Variants in CDK6 observed in about 807,000 individuals in gnomAD.
CDK6 encodes the protein cyclin dependent kinase 6.
CDK6 carries 6 observed loss-of-function variants against 37.1 expected under a neutral mutation model. The ratio of observed to expected loss-of-function variants is 0.16; its 90% CI spans 0.09 to 0.32. CDK6 has a LOEUF of 0.32. Among genes scored for constraint, CDK6 ranks in the 10% least tolerant of loss-of-function variants. The pLI is 1.00. For missense variants in CDK6, 224 were observed against 418.9 expected, an observed-to-expected ratio of 0.53 and a Z score of 4.06; for synonymous variants, 160 against 161.3, an observed-to-expected ratio of 0.99 and a Z score of 0.06.
chr7:92,663,925 G>A (rs541970717), intron 5 of CDK6, among the ~76,000 whole-genome samples: 3 of 152,030 alleles, frequency 2.0e-5, no homozygotes, highest in South Asian at 2.1e-4. Context: ...AGGCCGAGGC[G>A]GGCGGATCAG....
chr7:92,827,852 T>C (rs1012623009), intron 2 of CDK6, among the ~76,000 whole-genome samples: 3 of 152,158 alleles, frequency 2.0e-5, no homozygotes, highest in Non-Finnish European at 4.4e-5. Flanking sequence ...CTGAACCTCA[T>C]GAGAAAGAAC....
intron 7 of CDK6, among the ~76,000 whole-genome samples, chr7:92,616,152 C>G (rs1426411311): frequency 6.6e-6 from 1 of 152,106 alleles, no homozygotes; most frequent in African/African-American, 2.4e-5. Context: ...CTAAAGTGAA[C>G]TGGGTATATG....
At chr7:92,701,327 G>A (rs561256623) in intron 4 of CDK6, among the ~76,000 whole-genome samples, 1 of 152,252 alleles carries the variant, frequency 6.6e-6, no homozygotes, top group South Asian at 2.1e-4. Flanking sequence ...CACATTCAAA[G>A]GTTTATTCAC....
chr7:92,749,262 C>T (rs1005281406), intron 3 of CDK6, among the ~76,000 whole-genome samples: 3 of 151,036 alleles, frequency 2.0e-5, no homozygotes, highest in African/African-American at 7.3e-5. Flanking sequence ...ATTGCCTAGG[C>T]CCAGGAGTTT....
At chr7:92,623,160 T>C in intron 5 of CDK6, 74 bp from the exon 6 acceptor site, 1 of 1,032,554 alleles carries the variant, frequency 9.7e-7, no homozygotes, top group South Asian at 1.4e-5. Context: ...CCATTATCAT[T>C]GTTTCACAGG....
At chr7:92,638,416 T>C (rs931698925) in intron 5 of CDK6, among the ~76,000 whole-genome samples, 13 of 152,198 alleles carry the variant, frequency 8.5e-5, no homozygotes, top group East Asian at 5.8e-4. Context: ...CATTTGAGGC[T>C]GAACTTTTTT....
intron 4 of CDK6, among the ~76,000 whole-genome samples, chr7:92,712,118 C>T (rs1798107839): frequency 6.6e-6 from 1 of 151,384 alleles, no homozygotes; most frequent in African/African-American, 2.4e-5. Flanking sequence ...CGAGAGAGCG[C>T]CACTGCAGTC....
In CDK6 at chr7:92,611,524, C is replaced by T. The variant is rs1795562223; in HGVS notation, c.*3616G>A. The T allele has an allele frequency of 4.4e-6, 1 of 227,166 alleles. No individual in the cohort carries two copies. Among genetic ancestry groups the T allele is most frequent in the African/African-American group, 2.2e-5 (1 of 45,078 alleles). 14.1% of individuals were successfully genotyped at this position (227,166 alleles called of 1,614,324 possible). The stretch of plus-strand genomic sequence containing the variant: ...TAGGAAGCTTACATAATTTAATTTC[C>T]ACAATGGAACAATAATGGCCATTAC... On this transcript the variant is annotated 3_prime_UTR_variant, in exon 8 of 8. Transcript: ENST00000424848.
chr7:92,690,431 G>C (rs1219030891), intron 4 of CDK6, among the ~76,000 whole-genome samples: 1 of 152,046 alleles, frequency 6.6e-6, no homozygotes, highest in South Asian at 2.1e-4. Context: ...ACAGTTGTAG[G>C]TGTGCGGTTT....
At chr7:92,780,212 T>C (rs946448153) in intron 2 of CDK6, among the ~76,000 whole-genome samples, 18 of 152,148 alleles carry the variant, frequency 1.2e-4, no homozygotes, top group African/African-American at 4.3e-4. Flanking sequence ...CCTCAAGTGA[T>C]CCACCTGCCT....
At chr7:92,760,521 T>A (rs927026656) in intron 3 of CDK6, among the ~76,000 whole-genome samples, 1 of 152,174 alleles carries the variant, frequency 6.6e-6, no homozygotes, top group Non-Finnish European at 1.5e-5. Flanking sequence ...CATTCCCCAA[T>A]AAGATGTATG....
chr7:92,778,256 T>A (rs544460343), intron 2 of CDK6, among the ~76,000 whole-genome samples: 67 of 152,314 alleles, frequency 4.4e-4, no homozygotes, highest in African/African-American at 1.6e-3. Flanking sequence ...GGGTGAATTA[T>A]ACAACTCCAT....
chr7:92,619,512 C>T (rs1161529863), intron 6 of CDK6, among the ~76,000 whole-genome samples: 1 of 151,604 alleles, frequency 6.6e-6, no homozygotes, highest in Non-Finnish European at 1.5e-5. Flanking sequence ...TGCTGGCCCA[C>T]ATTAGGGTCT....
At position 92,805,540 on chromosome 7, in the gene CDK6, T is replaced by C. The variant is rs1344809412; in HGVS notation, c.233+27551A>G. Among the ~76,000 whole-genome samples, 4 of 152,244 alleles carry C rather than the reference T, an allele frequency of 2.6e-5. No homozygotes were observed. In the East Asian group the frequency reaches 7.7e-4, roughly 29 times the overall value. ...TTCATAAACTCCCTCAGTGTAATCA[T>C]GATGTGCTATAGTTGAAATTGGAAA... On this transcript the variant is annotated intron_variant, in intron 2 of 7. Transcript: ENST00000424848.
chr7:92,717,618 C>T (rs1224760546), intron 4 of CDK6, among the ~76,000 whole-genome samples: 2 of 152,212 alleles, frequency 1.3e-5, no homozygotes, highest in East Asian at 3.9e-4. Flanking sequence ...CAAGGAACTT[C>T]TGGCTCTTTC....
chr7:92,811,803 C>T (rs986329726), intron 2 of CDK6, among the ~76,000 whole-genome samples: 1 of 152,130 alleles, frequency 6.6e-6, no homozygotes, highest in Non-Finnish European at 1.5e-5. Flanking sequence ...CACCCCCCTA[C>T]AAAATATTCT....
At chr7:92,790,190 C>T (rs1438737181) in intron 2 of CDK6, among the ~76,000 whole-genome samples, 1 of 152,198 alleles carries the variant, frequency 6.6e-6, no homozygotes, top group African/African-American at 2.4e-5. Flanking sequence ...TGGTGAATCA[C>T]ACCCCCATCC....
intron 4 of CDK6, among the ~76,000 whole-genome samples, chr7:92,671,793 C>G (rs1797076270): frequency 6.6e-6 from 1 of 152,030 alleles, no homozygotes; most frequent in South Asian, 2.1e-4. Context: ...TTTCAGAAAG[C>G]AAAGACCAAA....
intron 2 of CDK6, among the ~76,000 whole-genome samples, chr7:92,808,615 G>C (rs968533770): frequency 6.6e-6 from 1 of 152,154 alleles, no homozygotes; most frequent in East Asian, 1.9e-4. Flanking sequence ...CATCAATGGA[G>C]TTAAATCCAA....
Sources: gnomAD v4.1 joint callset for allele counts (sites outside exome capture counted in the v4.1 genomes callset) on GRCh38, gnomAD v4.1.1 for gene constraint, MANE v1.5 for transcripts, NCBI Gene and HGNC (gene_info 2026-07-23, HGNC 2026-07-21) for gene names.